C16orf95: variants seen among roughly 807,000 people sequenced by gnomAD.
The protein encoded by C16orf95 is uncharacterized protein C16orf95.
In C16orf95, 41 loss-of-function variants were observed where a neutral mutation model predicts 32.1. That is an observed-to-expected ratio of 1.28 (90% CI 1.00 to 1.66). C16orf95 has a LOEUF of 1.66. Among genes scored for constraint, C16orf95 ranks in the 40% most tolerant of loss-of-function variants. C16orf95 has a pLI of 0.00. For missense variants in C16orf95, 399 were observed against 325.9 expected (o/e 1.22, Z -1.73); for synonymous variants, 147 against 128.9 (o/e 1.14, Z -0.95).
At chr16:87,313,733 A>C (rs1266784540) in intron 3 of C16orf95, among the ~76,000 whole-genome samples, 1 of 152,220 alleles carries the variant, frequency 6.6e-6, no homozygotes, top group Non-Finnish European at 1.5e-5. Flanking sequence ...GTCTCAAAAA[A>C]GGAAAGGCAG....
intron 6 of C16orf95, 107 bp from the exon 7 acceptor site, chr16:87,303,182 C>T: frequency 1.8e-6 from 2 of 1,088,394 alleles, no homozygotes; most frequent in South Asian, 1.3e-5. Flanking sequence ...CAGAGGCGCT[C>T]CACAGTGCAC....
In C16orf95 at chr16:87,305,258, G is replaced by C. The variant is rs1021073296; in HGVS notation, c.701+461C>G. On this transcript the variant is annotated intron_variant, in intron 6 of 6. Transcript: ENST00000567970. The surrounding 1 kb of genome is among the most constrained non-coding windows in gnomAD (Gnocchi z 4.2). ...GGCGAGGATAGGGACTAGAGACCAG[G>C]GGAAGGGGCTTTCTAGTATGGAGAC... is the stretch of plus-strand genomic sequence containing the variant. 1.2e-4 allele frequency among the ~76,000 whole-genome samples: 19 copies of C among 152,178 alleles called. No individual in the cohort carries two copies. The highest frequency in any genetic ancestry group is 2.6e-4 in the Non-Finnish European group (18 of 68,024).
chr16:87,308,661 AT>A (rs1288153261), intron 5 of C16orf95, among the ~76,000 whole-genome samples: 1 of 152,132 alleles, frequency 6.6e-6, no homozygotes, highest in Non-Finnish European at 1.5e-5. Flanking sequence ...CTCGATAGCC[AT>A]TGCTTTGGTT....
intron 5 of C16orf95, among the ~76,000 whole-genome samples, chr16:87,309,794 T>C (rs906612513): frequency 1.3e-5 from 2 of 152,182 alleles, no homozygotes; most frequent in Non-Finnish European, 2.9e-5. Context: ...CATGTGAATG[T>C]ACATACACTA....
At chr16:87,310,591 G>T (rs1260208289) in intron 4 of C16orf95, among the ~76,000 whole-genome samples, 1 of 152,212 alleles carries the variant, frequency 6.6e-6, no homozygotes, top group Non-Finnish European at 1.5e-5. Context: ...GCAGGGGAGC[G>T]AGAGGCCCAG....
chr16:87,316,155 T>C (rs1904328211), intron 1 of C16orf95, among the ~76,000 whole-genome samples: 1 of 152,200 alleles, frequency 6.6e-6, no homozygotes, highest in Admixed American at 6.5e-5. Context: ...CTGAGAACTT[T>C]CCAAGACATG....
chr16:87,312,230 A>T (rs1470610463), intron 3 of C16orf95, among the ~76,000 whole-genome samples: 2 of 152,194 alleles, frequency 1.3e-5, no homozygotes, highest in Non-Finnish European at 2.9e-5. Flanking sequence ...AGGTTACAGC[A>T]GGAGGAGGAG....
Position 87,303,000 on chromosome 16 carries a change from A to G in C16orf95, c.*57T>C. On this transcript the variant is annotated 3_prime_UTR_variant, in exon 7 of 7. Coordinates refer to ENST00000567970, the MANE Select transcript of C16orf95 (RefSeq NM_001195124.3). ...CCTCCTGATTGGTGGACTCTCAAAG[A>G]TCTTGATCGTGACACATTTTTGTGG... 1 of 1,524,536 alleles carries G rather than the reference A, an allele frequency of 6.6e-7. No homozygotes were observed. Among genetic ancestry groups the G allele is most frequent in the Non-Finnish European group, 8.8e-7 (1 of 1,136,342 alleles). 94.4% of individuals were successfully genotyped at this position (1,524,536 alleles called of 1,614,324 possible). A position where few individuals can be genotyped will look rare whatever the true frequency, so the allele number is the denominator to read the frequency against.
intron 2 of C16orf95, 110 bp from the exon 3 acceptor site, chr16:87,315,206 A>G: frequency 1.7e-6 from 2 of 1,166,840 alleles, no homozygotes; most frequent in Non-Finnish European, 2.4e-6. Context: ...GTCCGGGGGC[A>G]GGGTCCCCAG....
intron 6 of C16orf95, among the ~76,000 whole-genome samples, chr16:87,304,461 G>A (rs944571673): frequency 1.3e-5 from 2 of 152,002 alleles, no homozygotes. Flanking sequence ...GGGTACAAAG[G>A]AGTCAAACTA....
intron 2 of C16orf95, 44 bp downstream of exon 2, chr16:87,315,728 T>G: frequency 2.8e-6 from 4 of 1,411,460 alleles, no homozygotes; most frequent in Non-Finnish European, 3.8e-6. Flanking sequence ...CCCACAGGGA[T>G]ATGTTGGGGT....
At chr16:87,308,295 A>G (rs979811180) in intron 5 of C16orf95, among the ~76,000 whole-genome samples, 1 of 152,104 alleles carries the variant, frequency 6.6e-6, no homozygotes, top group Admixed American at 6.5e-5. Flanking sequence ...AGCCTGACCA[A>G]CATGGTGAAA....
intron 1 of C16orf95, 87 bp downstream of exon 1, chr16:87,317,004 C>A: frequency 7.1e-7 from 1 of 1,406,766 alleles, no homozygotes; most frequent in South Asian, 1.5e-5. Flanking sequence ...AGAGTTCTGC[C>A]TGTGCATAGG....
chr16:87,312,745 G>C (rs373103409), intron 3 of C16orf95, among the ~76,000 whole-genome samples: 2 of 152,038 alleles, frequency 1.3e-5, no homozygotes, highest in African/African-American at 4.8e-5. Flanking sequence ...GAGAAAGAAA[G>C]CCATCTCTAT....
rs1211966222 is a variant in C16orf95 at position 87,303,049 on chromosome 16, T to C, written c.*8A>G. On this transcript the variant is annotated 3_prime_UTR_variant, in exon 7 of 7. Transcript: ENST00000567970. ...GGCTGTTCTTGACAGTAGCTGAAGATTCCAACTTCAAACCCCAAAACACTG... is the reference window on the plus strand; with the variant it reads ...GGCTGTTCTTGACAGTAGCTGAAGACTCCAACTTCAAACCCCAAAACACTG... 4.0e-5 allele frequency: 62 copies of C among 1,535,942 alleles called. No individual in the cohort carries two copies. The highest frequency in any genetic ancestry group is 6.1e-6 in the Non-Finnish European group (7 of 1,146,868).
At chr16:87,313,231 A>AAAAC (rs1567605591) in intron 3 of C16orf95, among the ~76,000 whole-genome samples, 1 of 152,172 alleles carries the variant, frequency 6.6e-6, no homozygotes. Flanking sequence ...CTGAAAAAGA[A>AAAAC]AAACAAAGTT....
chr16:87,303,994 T>C (rs145384553), intron 6 of C16orf95, among the ~76,000 whole-genome samples: 2,335 of 152,312 alleles, frequency 0.015, 32 homozygotes, highest in Admixed American at 0.02. Context: ...CCTGACCATC[T>C]ACTTAACATT....
chr16:87,313,098 A>G (rs929978018), intron 3 of C16orf95, among the ~76,000 whole-genome samples: 3 of 152,162 alleles, frequency 2.0e-5, no homozygotes, highest in African/African-American at 7.2e-5. Flanking sequence ...AGTTCTCTTC[A>G]AACTGATCTA....
chr16:87,309,223 GTCTTT>G (rs2150650279), intron 5 of C16orf95, among the ~76,000 whole-genome samples: 1 of 152,014 alleles, frequency 6.6e-6, no homozygotes, highest in South Asian at 2.1e-4. Context: ...TTAAACTGAT[GTCTTT>G]TCCTTCTTAG....
Sources: allele counts gnomAD v4.1 joint callset (sites outside exome capture counted in the v4.1 genomes callset), GRCh38; gene constraint gnomAD v4.1.1; non-coding constraint Gnocchi (gnomAD v3.1); transcripts MANE v1.5; gene names NCBI Gene and HGNC (gene_info 2026-07-23, HGNC 2026-07-21).